CIMAP2: variants seen among roughly 807,000 people sequenced by gnomAD.
The protein encoded by CIMAP2 is ciliary microtubule-associated protein 2.
the CIMAP2 span, among the ~76,000 whole-genome samples, chr1:54,815,420 T>C: frequency 1.3e-5 from 2 of 151,344 alleles, no homozygotes; most frequent in Non-Finnish European, 2.9e-5. Flanking sequence ...ACCGCAGCCA[T>C]GCCATTCTCT....
chr1:54,812,080 A>G, the CIMAP2 span: 2 of 1,614,018 alleles, frequency 1.2e-6, no homozygotes, highest in Non-Finnish European at 8.5e-7. Flanking sequence ...TACTTCTTCA[A>G]AAGCGACCTT....
At chr1:54,807,064 C>T in the CIMAP2 span, 16 of 1,613,860 alleles carry the variant, frequency 9.9e-6, no homozygotes, top group Admixed American at 1.0e-4. Flanking sequence ...CCATACTCCA[C>T]GCGTTATTCT....
chr1:54,829,829 T>A, the CIMAP2 span, among the ~76,000 whole-genome samples: 1 of 152,200 alleles, frequency 6.6e-6, no homozygotes, highest in Admixed American at 6.5e-5. Flanking sequence ...ATTAATATAT[T>A]CTTTTTGAAG....
the CIMAP2 span, among the ~76,000 whole-genome samples, chr1:54,821,549 A>G: frequency 6.6e-6 from 1 of 152,050 alleles, no homozygotes; most frequent in Non-Finnish European, 1.5e-5. Context: ...ATATCTTTCC[A>G]TTTGTTTGTG....
At chr1:54,832,123 G>T in the CIMAP2 span, among the ~76,000 whole-genome samples, 2 of 152,240 alleles carry the variant, frequency 1.3e-5, no homozygotes, top group African/African-American at 4.8e-5. Context: ...GGAATTACAG[G>T]CATGAACCAC....
the CIMAP2 span, among the ~76,000 whole-genome samples, chr1:54,822,524 CT>C: frequency 6.6e-6 from 1 of 151,978 alleles, no homozygotes; most frequent in Non-Finnish European, 1.5e-5. Flanking sequence ...AATCTTTCTA[CT>C]TTTTTGATGT....
chr1:54,806,285 C>G, the CIMAP2 span: 1 of 1,405,528 alleles, frequency 7.1e-7, no homozygotes, highest in Non-Finnish European at 9.4e-7. Context: ...CACCCCGAAG[C>G]CACGCTTGGC....
chr1:54,812,443 A>G, the CIMAP2 span, among the ~76,000 whole-genome samples: 1 of 152,084 alleles, frequency 6.6e-6, no homozygotes, highest in Non-Finnish European at 1.5e-5. Flanking sequence ...TTCACTGCCA[A>G]CTCTCTCCTC....
At chr1:54,836,389 G>C in the CIMAP2 span, among the ~76,000 whole-genome samples, 1 of 151,746 alleles carries the variant, frequency 6.6e-6, no homozygotes, top group African/African-American at 2.4e-5. Context: ...GGATGGGGTA[G>C]AGACTTGAGC....
chr1:54,839,524 C>T, the CIMAP2 span, among the ~76,000 whole-genome samples: 13 of 151,972 alleles, frequency 8.6e-5, no homozygotes, highest in African/African-American at 3.1e-4. Context: ...ATTACAGGCA[C>T]CTGCCACCAC....
the CIMAP2 span, among the ~76,000 whole-genome samples, chr1:54,828,268 C>T: frequency 1.1e-3 from 172 of 152,106 alleles, 1 homozygote; most frequent in African/African-American, 3.9e-3. Context: ...TGAATATTTT[C>T]GTCTTATACT....
the CIMAP2 span, among the ~76,000 whole-genome samples, chr1:54,840,890 G>A: frequency 2.6e-5 from 4 of 152,178 alleles, 1 homozygote; most frequent in East Asian, 7.7e-4. Context: ...TTTTTTCCCA[G>A]ATATCCAGAA....
At chr1:54,811,767 C>CGGGGGGGGGCGGGG in the CIMAP2 span, 1 of 1,088,170 alleles carries the variant, frequency 9.2e-7, no homozygotes, top group Non-Finnish European at 1.4e-6. Flanking sequence ...TTCTGACAGC[C>CGGGGGGGGGCGGGG]TCCATGCCCC....
the CIMAP2 span, chr1:54,811,767 C>CGGGGGGCCG: frequency 9.2e-7 from 1 of 1,088,168 alleles, no homozygotes; most frequent in Non-Finnish European, 1.4e-6. Context: ...TTCTGACAGC[C>CGGGGGGCCG]TCCATGCCCC....
chr1:54,842,132 T>C, the CIMAP2 span: 1 of 554,734 alleles, frequency 1.8e-6, no homozygotes, highest in Non-Finnish European at 3.2e-6. Context: ...GCCAGTGACA[T>C]GAACATGGGG....
the CIMAP2 span, among the ~76,000 whole-genome samples, chr1:54,820,112 C>CTTTCTT: frequency 2.4e-4 from 2 of 8,314 alleles, no homozygotes; most frequent in African/African-American, 4.0e-4. Context: ...TTCTCTCTCT[C>CTTTCTT]TCTTTCTTTC....
At chr1:54,836,092 C>T in the CIMAP2 span, among the ~76,000 whole-genome samples, 1 of 152,000 alleles carries the variant, frequency 6.6e-6, no homozygotes, top group Non-Finnish European at 1.5e-5. Context: ...TCCTTCTCCC[C>T]TCAAACCCCT....
At chr1:54,806,555 T>C in the CIMAP2 span, among the ~76,000 whole-genome samples, 1 of 152,138 alleles carries the variant, frequency 6.6e-6, no homozygotes, top group Admixed American at 6.5e-5. Context: ...GGGTGGGATT[T>C]CAGCCCAGGT....
chr1:54,836,786 CTGGCCTGATCAGGGA>C, the CIMAP2 span, among the ~76,000 whole-genome samples: 1 of 152,026 alleles, frequency 6.6e-6, no homozygotes, highest in South Asian at 2.1e-4. Context: ...GTAAACGAGC[CTGGCCTGATCAGGGA>C]TGGCCGAGCA....
Sources: gnomAD v4.1 joint callset for allele counts (sites outside exome capture counted in the v4.1 genomes callset) on GRCh38, gnomAD v4.1.1 for gene constraint, MANE v1.5 for transcripts, NCBI Gene and HGNC (gene_info 2026-07-23, HGNC 2026-07-21) for gene names.